OVOL2: variants seen among roughly 807,000 people sequenced by gnomAD.
The protein encoded by OVOL2 is transcription factor Ovo-like 2.
A neutral mutation model predicts 18.1 loss-of-function variants in OVOL2; 13 were observed. The ratio of observed to expected loss-of-function variants is 0.72; its 90% confidence interval spans 0.47 to 1.14. The LOEUF (loss-of-function observed/expected upper bound fraction) is 1.14. Ranked by LOEUF, OVOL2 falls within the 50% of genes most tolerant of loss-of-function variation. The pLI is 0.00. For missense variants in OVOL2, 335 were observed against 383.0 expected, an observed-to-expected ratio of 0.87 and a Z score of 1.05; for synonymous variants, 166 against 162.7, an observed-to-expected ratio of 1.02 and a Z score of -0.16.
In OVOL2 at chr20:18,026,438, G is replaced by A. The variant is rs6080943; in HGVS notation, c.512-1486C>T. Among the ~76,000 whole-genome samples the A allele has an allele frequency of 3.2e-3, 470 of 148,520 alleles. 4 individuals are homozygous for A. Among genetic ancestry groups the A allele is most frequent in the African/African-American group, 0.011 (452 of 39,934 alleles). Reference sequence around the variant, plus strand: ...GCTCTGTCACCCAGGTTGGAGTGCAGTGGCGCAATCTCAGCTCACTGCAAG... The same window carrying A: ...GCTCTGTCACCCAGGTTGGAGTGCAATGGCGCAATCTCAGCTCACTGCAAG... On this transcript the variant is annotated intron_variant, in intron 3 of 3. Transcript: ENST00000278780.
At chr20:18,027,124 A>G (rs938882831) in intron 3 of OVOL2, among the ~76,000 whole-genome samples, 4 of 151,700 alleles carry the variant, frequency 2.6e-5, no homozygotes, top group Non-Finnish European at 5.9e-5. Flanking sequence ...TTTTTTTTTA[A>G]GGTTGAGACT....
In OVOL2 at chr20:18,024,651, C is replaced by T. The variant is rs781729965; in HGVS notation, c.813G>A (p.Glu271=). ...AHQENTSLSE[E]EERK ...TTCCTTCTCCTCACTTCCTCTCCTC[C>T]TCCTCACTCAGGCTGGTATTCTCCT... is the stretch of plus-strand genomic sequence containing the variant. Residue 271 remains glutamate, a synonymous_variant, in exon 4 of 4, where the codon GAG becomes GAA. Transcript: ENST00000278780. 11 of 1,605,330 alleles carry T rather than the reference C, an allele frequency of 6.9e-6. No homozygotes were observed. The highest frequency in any genetic ancestry group is 4.5e-5 in the East Asian group (2 of 44,670).
At position 18,057,345 on chromosome 20, in the gene OVOL2, G is replaced by T. The variant is rs1433276107; in HGVS notation, c.100+190C>A. Among the ~76,000 whole-genome samples the T allele has an allele frequency of 6.6e-6, 1 of 152,168 alleles. No homozygotes were observed. The highest frequency in any genetic ancestry group is 2.4e-5 in the African/African-American group (1 of 41,444). ...TTAGAGGCTCCCACTACGGGGAAGG[G>T]GGCGCCTAGAGTCTGGGGCATCCCA... On this transcript the variant is annotated intron_variant, in intron 1 of 3. Transcript: ENST00000278780. This position sits in a 1 kb window ranked among gnomAD's most constrained non-coding sequence, Gnocchi z 6.3.
Position 18,055,624 on chromosome 20 carries a change from A to G in OVOL2, c.321+1033T>C, listed in dbSNP as rs750914443. Among the ~76,000 whole-genome samples, 9 of 152,310 alleles carry G rather than the reference A, an allele frequency of 5.9e-5. No homozygotes were observed. In the East Asian group the frequency reaches 1.2e-3, roughly 20 times the overall value. Reference sequence around the variant, plus strand: ...CAAACCCTGGGAATACGCAATGTGCATAGGGGACCTCTCCCAGGAAAATGA... The same window carrying G: ...CAAACCCTGGGAATACGCAATGTGCGTAGGGGACCTCTCCCAGGAAAATGA... On this transcript the variant is annotated intron_variant, in intron 2 of 3. Coordinates refer to ENST00000278780, the MANE Select transcript of OVOL2 (RefSeq NM_021220.4).
intron 2 of OVOL2, among the ~76,000 whole-genome samples, chr20:18,048,366 A>AG (rs1389994128): frequency 6.6e-6 from 1 of 152,206 alleles, no homozygotes. Context: ...ACTAAAAAAA[A>AG]CAAAACGAAA....
At chr20:18,045,844 C>T (rs1454852280) in intron 2 of OVOL2, among the ~76,000 whole-genome samples, 1 of 152,070 alleles carries the variant, frequency 6.6e-6, no homozygotes, top group Non-Finnish European at 1.5e-5. Flanking sequence ...TGAAGGCACA[C>T]CTAATTCTCA....
intron 2 of OVOL2, among the ~76,000 whole-genome samples, chr20:18,051,149 G>A (rs939036906): frequency 1.3e-5 from 2 of 152,128 alleles, no homozygotes; most frequent in African/African-American, 4.8e-5. Flanking sequence ...GCTGAGATAG[G>A]AGGATCGTTT....
intron 2 of OVOL2, among the ~76,000 whole-genome samples, chr20:18,055,565 T>G (rs1280336168): frequency 6.6e-6 from 1 of 152,106 alleles, no homozygotes; most frequent in Non-Finnish European, 1.5e-5. Flanking sequence ...AAACCTCAGT[T>G]CAAAACCAAA....
intron 2 of OVOL2, among the ~76,000 whole-genome samples, chr20:18,049,098 T>C (rs1179361139): frequency 1.3e-5 from 2 of 152,212 alleles, no homozygotes; most frequent in Non-Finnish European, 2.9e-5. Flanking sequence ...TCCAACCCCA[T>C]GGCCTGGCGC....
At chr20:18,054,317 C>T (rs2036796959) in intron 2 of OVOL2, among the ~76,000 whole-genome samples, 1 of 152,190 alleles carries the variant, frequency 6.6e-6, no homozygotes, top group South Asian at 2.1e-4. Context: ...GGAAGGAACA[C>T]CAGGGTGGGA....
At chr20:18,031,120 G>A (rs114677564) in intron 3 of OVOL2, among the ~76,000 whole-genome samples, 1,792 of 152,260 alleles carry the variant, frequency 0.012, 22 homozygotes, top group East Asian at 0.033. Flanking sequence ...CCACCCATGC[G>A]CTAGACGTCA....
At chr20:18,041,121 C>T (rs1681725632) in intron 3 of OVOL2, among the ~76,000 whole-genome samples, 1 of 152,172 alleles carries the variant, frequency 6.6e-6, no homozygotes, top group Non-Finnish European at 1.5e-5. Context: ...AGGAGGTGAA[C>T]CCAGAAGGGC....
intron 2 of OVOL2, among the ~76,000 whole-genome samples, chr20:18,054,766 C>CAAAAAAAAAA (rs745367889): frequency 7.1e-4 from 45 of 63,380 alleles, no homozygotes; most frequent in African/African-American, 2.5e-3. Flanking sequence ...AACTCCATCT[C>CAAAAAAAAAA]AAAAAAAAAA....
In OVOL2 at chr20:18,051,470, A is replaced by G. The variant is rs112103508; in HGVS notation, c.321+5187T>C. On this transcript the variant is annotated intron_variant, in intron 2 of 3. Transcript: ENST00000278780. Reference sequence around the variant, plus strand: ...CTGTTTTAGAACACCTAATAAGCCAAAATATTTAGGTCCTGAGCATCAACA... The same window carrying G: ...CTGTTTTAGAACACCTAATAAGCCAGAATATTTAGGTCCTGAGCATCAACA... 6.2e-3 allele frequency among the ~76,000 whole-genome samples: 946 copies of G among 152,274 alleles called. 16 individuals are homozygous for G. Among genetic ancestry groups the G allele is most frequent in the African/African-American group, 0.022 (900 of 41,550 alleles).
Position 18,056,728 on chromosome 20 carries a change from GCTCGGGGGTTTCGCT to G in OVOL2, c.235_249del (p.Ser79_Glu83del). ...CCATCGGGGCCCTCGGCGTCGCCGG[GCTCGGGGGTTTCGCT>G]CTCGGGGGCGTGCGGGGACGAGCTG... On this transcript the variant is annotated inframe_deletion, in exon 2 of 4. Transcript: ENST00000278780. This position sits in a 1 kb window ranked among gnomAD's most constrained non-coding sequence, Gnocchi z 4.2. 6.8e-7 allele frequency: 1 copy of G among 1,478,110 alleles called. No homozygotes were observed. Among genetic ancestry groups the G allele is most frequent in the Non-Finnish European group, 8.9e-7 (1 of 1,121,094 alleles). 91.6% of individuals were successfully genotyped at this position (1,478,110 alleles called of 1,614,324 possible).
intron 3 of OVOL2, among the ~76,000 whole-genome samples, chr20:18,029,701 G>GGGT (rs1473594509): frequency 6.6e-6 from 1 of 152,146 alleles, no homozygotes; most frequent in Non-Finnish European, 1.5e-5. Context: ...ATTCTAGGAT[G>GGGT]GGTGCATGGC....
intron 3 of OVOL2, among the ~76,000 whole-genome samples, chr20:18,030,514 A>G (rs1328630336): frequency 6.6e-6 from 1 of 152,156 alleles, no homozygotes; most frequent in Non-Finnish European, 1.5e-5. Flanking sequence ...ACTCAGCCCC[A>G]TGTGCACAGG....
chr20:18,048,452 T>C (rs2036743489), intron 2 of OVOL2, among the ~76,000 whole-genome samples: 1 of 151,944 alleles, frequency 6.6e-6, no homozygotes, highest in African/African-American at 2.4e-5. Context: ...AACAGCTGGG[T>C]ATAGTGGCTC....
chr20:18,037,084 C>T (rs1412556007), intron 3 of OVOL2, among the ~76,000 whole-genome samples: 4 of 147,068 alleles, frequency 2.7e-5, no homozygotes, highest in Non-Finnish European at 5.9e-5. Flanking sequence ...TGCAGTGAGC[C>T]GAGATCGCGC....
Sources: gnomAD v4.1 joint callset for allele counts (sites outside exome capture counted in the v4.1 genomes callset) on GRCh38, gnomAD v4.1.1 for gene constraint, Gnocchi (gnomAD v3.1) non-coding constraint, MANE v1.5 for transcripts, NCBI Gene and HGNC (gene_info 2026-07-23, HGNC 2026-07-21) for gene names.